RP9: variants seen among roughly 807,000 people sequenced by gnomAD.
RP9 encodes RP9 pre-mRNA splicing factor.
RP9 carries 23 observed loss-of-function variants against 32.6 expected under a neutral mutation model. That is an observed-to-expected ratio of 0.71 (90% CI 0.51 to 1.00). The LOEUF is 1.00. RP9 is among the 50% of genes least tolerant of loss of function. The pLI is 0.00. For missense variants in RP9, 245 were observed against 285.3 expected (o/e 0.86, Z 1.02); for synonymous variants, 94 against 103.6 (o/e 0.91, Z 0.56).
intron 1 of RP9, among the ~76,000 whole-genome samples, chr7:33,108,169 T>C (rs1788525229): frequency 1.3e-5 from 2 of 152,256 alleles, no homozygotes; most frequent in Admixed American, 6.5e-5. Context: ...TAACACCTAC[T>C]TAGCACAGGT....
chr7:33,109,148 A>C lies in RP9; in HGVS notation c.152+73T>G, dbSNP rs1368238406. On this transcript the variant is annotated intron_variant, in intron 1 of 5. Coordinates refer to ENST00000297157, the MANE Select transcript of RP9 (RefSeq NM_203288.2). This position sits in a 1 kb window ranked among gnomAD's most constrained non-coding sequence, Gnocchi z 4.9. ...GCTCGGAGGACCCGGCCTAGCGCCC[A>C]CCGCGGCGTCCCGCGCCCCGGGCCC... 6.9e-7 allele frequency: 1 copy of C among 1,451,910 alleles called. No individual in the cohort carries two copies. Among genetic ancestry groups the C allele is most frequent in the Admixed American group, 2.3e-5 (1 of 42,570 alleles). 89.9% of individuals were successfully genotyped at this position (1,451,910 alleles called of 1,614,324 possible).
chr7:33,097,474 A>G (rs1477173207), intron 3 of RP9, 112 bp from the exon 4 acceptor site: 1 of 760,070 alleles, frequency 1.3e-6, no homozygotes, highest in Non-Finnish European at 2.2e-6. Context: ...TTCTAAAACA[A>G]AATATAATTA....
chr7:33,103,984 T>A (rs1584003659), intron 1 of RP9, among the ~76,000 whole-genome samples: 2 of 152,068 alleles, frequency 1.3e-5, no homozygotes. Context: ...CGAGTGAGTA[T>A]CCTCATAGAT....
chr7:33,105,763 C>CT (rs1788490408), intron 1 of RP9, among the ~76,000 whole-genome samples: 1 of 152,146 alleles, frequency 6.6e-6, no homozygotes, highest in Non-Finnish European at 1.5e-5. Flanking sequence ...GTATTATACC[C>CT]TTTTTTGTCT....
Position 33,102,246 on chromosome 7 carries a change from T to C in RP9, c.153-1685A>G, listed in dbSNP as rs566125388. Among the ~76,000 whole-genome samples, 53 of 152,330 alleles carry C rather than the reference T, an allele frequency of 3.5e-4. 1 individual carries two copies. In the South Asian group the frequency reaches 0.011, roughly 31 times the overall value. On this transcript the variant is annotated intron_variant, in intron 1 of 5. Coordinates refer to ENST00000297157, the MANE Select transcript of RP9 (RefSeq NM_203288.2). The stretch of plus-strand genomic sequence containing the variant: ...CAAAAATATATTTCTGAAAGTAGTA[T>C]TTAACTACTAAATACAGATTAGAAA...
Position 33,096,576 on chromosome 7 carries a change from A to C in RP9, c.406-22T>G, listed in dbSNP as rs759898512. 2.6e-6 allele frequency: 4 copies of C among 1,529,274 alleles called. No individual in the cohort carries two copies. The East Asian group carries it at 6.7e-5, about 26-fold the overall frequency. The allele number at this position is 1,529,274 out of a possible 1,614,324, so 94.7% of individuals were successfully genotyped here. ...GTGCCTTAAGGGTCAGAGAAGGTTA[A>C]GGTTTGGTTAGGCTTCATGGATCAC... On this transcript the variant is annotated intron_variant, in intron 4 of 5. Coordinates refer to ENST00000297157, the MANE Select transcript of RP9 (RefSeq NM_203288.2).
At chr7:33,107,964 T>G (rs1434730933) in intron 1 of RP9, among the ~76,000 whole-genome samples, 2 of 152,226 alleles carry the variant, frequency 1.3e-5, no homozygotes, top group African/African-American at 2.4e-5. Flanking sequence ...GGCGTTTGCC[T>G]TCTTTGAACA....
chr7:33,107,368 C>G (rs1379993807), intron 1 of RP9, among the ~76,000 whole-genome samples: 1 of 152,196 alleles, frequency 6.6e-6, no homozygotes, highest in Non-Finnish European at 1.5e-5. Context: ...TAATCTCTCT[C>G]ATCTGTGAAA....
At chr7:33,105,112 T>C (rs1788479658) in intron 1 of RP9, among the ~76,000 whole-genome samples, 2 of 152,146 alleles carry the variant, frequency 1.3e-5, no homozygotes. Flanking sequence ...AAGGATGCCC[T>C]AGGACCACTG....
chr7:33,099,236 A>C, intron 3 of RP9, 71 bp downstream of exon 3: 4 of 1,564,752 alleles, frequency 2.6e-6, no homozygotes, highest in Middle Eastern at 2.3e-4. Flanking sequence ...AAGTTAAATA[A>C]AAGAAGTAAA....
At chr7:33,100,800 C>A in intron 1 of RP9, 1 of 662,548 alleles carries the variant, frequency 1.5e-6, no homozygotes, top group South Asian at 1.5e-5. Context: ...AGGGACTGAA[C>A]CCAGAGGAGA....
chr7:33,097,430 G>A, intron 3 of RP9, 68 bp from the exon 4 acceptor site: 1 of 1,134,008 alleles, frequency 8.8e-7, no homozygotes, highest in Non-Finnish European at 1.3e-6. Flanking sequence ...AGAATCAGCA[G>A]AATATATTCA....
At chr7:33,097,912 G>A (rs1005762499) in intron 3 of RP9, among the ~76,000 whole-genome samples, 14 of 152,222 alleles carry the variant, frequency 9.2e-5, no homozygotes, top group Non-Finnish European at 1.9e-4. Context: ...GAGCCACCAC[G>A]CCCGGCCCAA....
At chr7:33,097,177 T>G in intron 4 of RP9, 94 bp downstream of exon 4, 1 of 926,498 alleles carries the variant, frequency 1.1e-6, no homozygotes, top group East Asian at 2.4e-5. Context: ...GGAATGTATT[T>G]TATGTGACCA....
intron 1 of RP9, among the ~76,000 whole-genome samples, chr7:33,107,208 T>C (rs573168963): frequency 6.6e-5 from 10 of 152,252 alleles, no homozygotes; most frequent in Non-Finnish European, 8.8e-5. Context: ...GCTCATTCAG[T>C]TTTAAATCTC....
chr7:33,099,490 T>C lies in RP9; in HGVS notation c.184-54A>G, dbSNP rs971964375. On this transcript the variant is annotated intron_variant, in intron 2 of 5. Coordinates refer to ENST00000297157, the MANE Select transcript of RP9 (RefSeq NM_203288.2). ...TGGCAAGAGCGCTGGGATTCTCTCC[T>C]GCTCCCCTTGGAGCCACCCTTGCCT... The C allele has an allele frequency of 2.5e-6, 4 of 1,610,612 alleles. No homozygotes were observed. In the African/African-American group the frequency reaches 5.3e-5, roughly 22 times the overall value.
At position 33,109,102 on chromosome 7, in the gene RP9, C is replaced by A. The variant is rs896590165; in HGVS notation, c.152+119G>T. 11 of 1,341,766 alleles carry A rather than the reference C, an allele frequency of 8.2e-6. No homozygotes were observed. The highest frequency in any genetic ancestry group is 3.3e-5 in the South Asian group (2 of 60,232). 83.1% of individuals were successfully genotyped at this position (1,341,766 alleles called of 1,614,324 possible). A position where few individuals can be genotyped will look rare whatever the true frequency, so the allele number is the denominator to read the frequency against. ...CGCACCAGGCTCCTGCCGGGCCCAG[C>A]CCCCCTGCCTGCTCGCGGGGGCTCG... On this transcript the variant is annotated intron_variant, in intron 1 of 5. Transcript: ENST00000297157. This position sits in a 1 kb window ranked among gnomAD's most constrained non-coding sequence, Gnocchi z 4.9.
At chr7:33,108,896 A>C (rs1562623076) in intron 1 of RP9, among the ~76,000 whole-genome samples, 1 of 152,130 alleles carries the variant, frequency 6.6e-6, no homozygotes, top group African/African-American at 2.4e-5. Flanking sequence ...CTACATTTGA[A>C]TCTTCTTTAC....
intron 4 of RP9, among the ~76,000 whole-genome samples, chr7:33,096,915 TA>T (rs1325372617): frequency 1.3e-5 from 2 of 152,230 alleles, no homozygotes; most frequent in Non-Finnish European, 2.9e-5. Context: ...TAAAGACATG[TA>T]CTCTTTAAAG....
Sources: gnomAD v4.1 joint callset for allele counts (sites outside exome capture counted in the v4.1 genomes callset) on GRCh38, gnomAD v4.1.1 for gene constraint, Gnocchi (gnomAD v3.1) non-coding constraint, MANE v1.5 for transcripts, NCBI Gene and HGNC (gene_info 2026-07-23, HGNC 2026-07-21) for gene names.